The following PPP2R2B variants were observed in gnomAD, a reference collection of about 807,000 sequenced individuals.
PPP2R2B encodes serine/threonine-protein phosphatase 2A 55 kDa regulatory subunit B beta isoform.
In PPP2R2B, 5 loss-of-function variants were observed where a neutral mutation model predicts 46.0. The observed-to-expected ratio is 0.11, with a 90% CI of 0.06 to 0.23. PPP2R2B has a LOEUF of 0.23. Among genes scored for constraint, PPP2R2B ranks in the 10% least tolerant of loss-of-function variants. PPP2R2B has a pLI of 1.00. For synonymous variants in PPP2R2B, 215 were observed against 206.7 expected (o/e 1.04, Z -0.34); for missense variants, 367 against 575.0 (o/e 0.64, Z 3.70).
At chr5:147,035,566 A>G (rs541876440) in intron 1 of PPP2R2B, among the ~76,000 whole-genome samples, 1 of 152,318 alleles carries the variant, frequency 6.6e-6, no homozygotes, top group East Asian at 1.9e-4. Flanking sequence ...AGAAAGACTG[A>G]CTTTGCTTGA....
chr5:146,804,199 T>C (rs1264891142), intron 2 of PPP2R2B, among the ~76,000 whole-genome samples: 1 of 151,990 alleles, frequency 6.6e-6, no homozygotes, highest in Non-Finnish European at 1.5e-5. Context: ...TAATTATAAT[T>C]ATTGCTAACA....
At chr5:146,919,193 C>A (rs1473574658) in intron 1 of PPP2R2B, among the ~76,000 whole-genome samples, 1 of 152,198 alleles carries the variant, frequency 6.6e-6, no homozygotes, top group Non-Finnish European at 1.5e-5. Flanking sequence ...TACTCTACAG[C>A]ACTGTCTTCT....
At chr5:146,849,893 A>G (rs1456816675) in intron 2 of PPP2R2B, among the ~76,000 whole-genome samples, 1 of 152,230 alleles carries the variant, frequency 6.6e-6, no homozygotes, top group Non-Finnish European at 1.5e-5. Context: ...GCACAAAGCC[A>G]TGGCAGATTA....
intron 2 of PPP2R2B, among the ~76,000 whole-genome samples, chr5:146,846,177 C>CACTGCTT (rs1759995276): frequency 6.8e-6 from 1 of 147,998 alleles, no homozygotes; most frequent in Admixed American, 6.7e-5. Flanking sequence ...CCCAGGAGTT[C>CACTGCTT]GTGACCAGCC....
Position 146,600,429 on chromosome 5 carries a change from T to C in PPP2R2B, c.822A>G (p.Arg274=). 3.7e-6 allele frequency: 6 copies of C among 1,613,870 alleles called. No individual in the cohort carries two copies. The highest frequency in any genetic ancestry group is 4.2e-6 in the Non-Finnish European group (5 of 1,179,874). ...AAGAGATAATTTCAGAGAAAAATGA[T>C]CTGTTGCTTGGATCTTCCGGCTCTT... ...FFEEPEDPSN[R]SFFSEIISSI... The change falls in exon 8 of 10, where the codon AGA becomes AGG. Residue 274 remains arginine, a synonymous_variant. Transcript: ENST00000394411.
At chr5:146,893,687 G>A (rs561479272) in intron 1 of PPP2R2B, among the ~76,000 whole-genome samples, 22 of 152,080 alleles carry the variant, frequency 1.4e-4, no homozygotes, top group African/African-American at 5.1e-4. Flanking sequence ...ACACAGGGAG[G>A]GCAACATCAC....
At chr5:146,861,047 A>ATTTTTTTTT (rs869248861) in intron 2 of PPP2R2B, among the ~76,000 whole-genome samples, 2 of 132,198 alleles carry the variant, frequency 1.5e-5, no homozygotes, top group African/African-American at 3.0e-5. Context: ...TTCAAACTGA[A>ATTTTTTTTT]TTTTTTCTTT....
chr5:146,666,851 TC>T (rs1777009556), intron 5 of PPP2R2B, among the ~76,000 whole-genome samples: 1 of 152,224 alleles, frequency 6.6e-6, no homozygotes, highest in Non-Finnish European at 1.5e-5. Flanking sequence ...ATCGTCCATA[TC>T]ATGTCATCAA....
intron 1 of PPP2R2B, among the ~76,000 whole-genome samples, chr5:146,985,299 G>T (rs765589464): frequency 1.3e-5 from 2 of 152,048 alleles, no homozygotes; most frequent in Non-Finnish European, 2.9e-5. Flanking sequence ...GATTACAGGC[G>T]TGAGCCACTG....
At chr5:146,892,393 C>T (rs1762516805) in intron 1 of PPP2R2B, among the ~76,000 whole-genome samples, 2 of 152,184 alleles carry the variant, frequency 1.3e-5, no homozygotes, top group South Asian at 4.1e-4. Context: ...GTAAACCCTT[C>T]CCTAGCTTCT....
chr5:146,763,670 A>C (rs1205623514), intron 2 of PPP2R2B, among the ~76,000 whole-genome samples: 1 of 152,204 alleles, frequency 6.6e-6, no homozygotes, highest in East Asian at 1.9e-4. Context: ...ATGCTTACCA[A>C]GCACCTGTCA....
At chr5:147,035,009 A>C (rs958764245) in intron 1 of PPP2R2B, among the ~76,000 whole-genome samples, 4 of 152,148 alleles carry the variant, frequency 2.6e-5, no homozygotes, top group Admixed American at 6.5e-5. Flanking sequence ...AGAACACTTC[A>C]TATCATGACA....
At chr5:146,856,512 G>T in intron 2 of PPP2R2B, 1 of 1,600,416 alleles carries the variant, frequency 6.2e-7, no homozygotes, top group Non-Finnish European at 8.6e-7. Context: ...TATTTCCATA[G>T]GTGTTTTCAT....
At chr5:146,658,830 C>T (rs1776510631) in intron 5 of PPP2R2B, among the ~76,000 whole-genome samples, 1 of 152,126 alleles carries the variant, frequency 6.6e-6, no homozygotes, top group Admixed American at 6.5e-5. Context: ...GCCCCCATCC[C>T]CAGATCATTA....
chr5:146,757,690 G>A (rs1753921099), intron 2 of PPP2R2B, among the ~76,000 whole-genome samples: 1 of 152,112 alleles, frequency 6.6e-6, no homozygotes, highest in African/African-American at 2.4e-5. Flanking sequence ...ATGCGATATG[G>A]GGGAAGGAAA....
intron 6 of PPP2R2B, among the ~76,000 whole-genome samples, chr5:146,649,280 C>G (rs528838577): frequency 2.0e-5 from 3 of 152,250 alleles, no homozygotes; most frequent in African/African-American, 7.2e-5. Context: ...TGTTCAGTGC[C>G]ATTCCTCATA....
chr5:146,850,552 A>G (rs1760282826), intron 2 of PPP2R2B, among the ~76,000 whole-genome samples: 1 of 152,132 alleles, frequency 6.6e-6, no homozygotes, highest in Admixed American at 6.6e-5. Flanking sequence ...ACTACCATAA[A>G]GCCCTTGTAC....
intron 5 of PPP2R2B, among the ~76,000 whole-genome samples, chr5:146,668,914 A>G (rs1474788073): frequency 6.6e-6 from 1 of 152,220 alleles, no homozygotes; most frequent in Non-Finnish European, 1.5e-5. Flanking sequence ...TGAGGACTGT[A>G]GACTCCATTA....
At chr5:146,600,146 A>C in intron 8 of PPP2R2B, 145 bp downstream of exon 8, 1 of 829,484 alleles carries the variant, frequency 1.2e-6, no homozygotes, top group Non-Finnish European at 1.9e-6. Flanking sequence ...ATCCTGTGGC[A>C]CTTATAGCCT....
Sources: allele counts gnomAD v4.1 joint callset (sites outside exome capture counted in the v4.1 genomes callset), GRCh38; gene constraint gnomAD v4.1.1; transcripts MANE v1.5; gene names NCBI Gene and HGNC (gene_info 2026-07-23, HGNC 2026-07-21).